Variants in RAP1B observed in about 807,000 individuals in gnomAD.
RAP1B encodes the protein ras-related protein Rap-1b.
Under a neutral mutation model 27.5 loss-of-function variants are expected in RAP1B, and 1 was observed. That is an observed-to-expected ratio of 0.04 (90% CI 0.01 to 0.17). The LOEUF (loss-of-function observed/expected upper bound fraction) is 0.17, where lower values mean the gene tolerates loss of function less well. Ranked by LOEUF, RAP1B falls within the 10% of genes least tolerant of loss-of-function variation. The pLI is 1.00. For synonymous variants in RAP1B, 75 were observed against 73.1 expected, an observed-to-expected ratio of 1.03 and a Z score of -0.13; for missense variants, 84 against 214.8, an observed-to-expected ratio of 0.39 and a Z score of 3.81.
intron 1 of RAP1B, among the ~76,000 whole-genome samples, chr12:68,628,257 C>T (rs1871965110): frequency 2.0e-5 from 3 of 152,188 alleles, no homozygotes; most frequent in African/African-American, 4.8e-5. Context: ...CTCTTCTCCT[C>T]TTGGTTGATG....
At chr12:68,631,803 C>T (rs1186761669) in intron 1 of RAP1B, among the ~76,000 whole-genome samples, 1 of 152,036 alleles carries the variant, frequency 6.6e-6, no homozygotes, top group Non-Finnish European at 1.5e-5. Context: ...TTTATGTCTC[C>T]ATCTTTTCCT....
intron 1 of RAP1B, among the ~76,000 whole-genome samples, chr12:68,618,062 T>G: frequency 6.7e-6 from 1 of 149,274 alleles, no homozygotes; most frequent in East Asian, 2.0e-4. Context: ...CATACCCAGC[T>G]GTATTAGTTC....
chr12:68,651,323 T>C (rs989695047), intron 3 of RAP1B, among the ~76,000 whole-genome samples: 4 of 151,824 alleles, frequency 2.6e-5, no homozygotes, highest in Non-Finnish European at 4.4e-5. Flanking sequence ...GCAGCCAACC[T>C]GGCCCCGCTG....
intron 1 of RAP1B, among the ~76,000 whole-genome samples, chr12:68,612,550 G>T (rs1386124526): frequency 1.3e-5 from 2 of 152,156 alleles, no homozygotes; most frequent in African/African-American, 4.8e-5. Flanking sequence ...TAGTCTATCC[G>T]TAAGAGACAA....
At chr12:68,611,648 C>T (rs1248918085) in intron 1 of RAP1B, among the ~76,000 whole-genome samples, 1 of 152,146 alleles carries the variant, frequency 6.6e-6, no homozygotes, top group Non-Finnish European at 1.5e-5. Flanking sequence ...CTTGCTTGCT[C>T]CATTTGTTGC....
At chr12:68,639,601 G>A (rs1872851895) in intron 1 of RAP1B, among the ~76,000 whole-genome samples, 1 of 152,146 alleles carries the variant, frequency 6.6e-6, no homozygotes, top group African/African-American at 2.4e-5. Context: ...GCCCTGATCT[G>A]TGTTGTTTTT....
Position 68,671,664 on chromosome 12 carries a change from A to T in RAP1B, c.*12415A>T, listed in dbSNP as rs865786410. 1 of 152,278 alleles carries T rather than the reference A, an allele frequency of 6.6e-6. No homozygotes were observed. Among genetic ancestry groups the T allele is most frequent in the South Asian group, 2.1e-4 (1 of 4,828 alleles). 9.4% of individuals were successfully genotyped at this position (152,278 alleles called of 1,614,324 possible). ...GCATTACCTGACATGGTGATATAGG[A>T]GTAGGGGTGAGGAAGTGAAGGATCT... On this transcript the variant is annotated 3_prime_UTR_variant, in exon 8 of 8. Coordinates refer to ENST00000250559, the MANE Select transcript of RAP1B (RefSeq NM_001010942.3).
At chr12:68,619,755 T>C (rs945307671) in intron 1 of RAP1B, among the ~76,000 whole-genome samples, 4 of 152,240 alleles carry the variant, frequency 2.6e-5, no homozygotes, top group African/African-American at 9.6e-5. Context: ...TAGATAAATG[T>C]GAAGCAATGT....
chr12:68,651,931 G>A, intron 3 of RAP1B, 64 bp from the exon 4 acceptor site: 1 of 1,241,966 alleles, frequency 8.1e-7, no homozygotes, highest in Non-Finnish European at 1.2e-6. Context: ...TAGCTTTTTT[G>A]TGTATATTAA....
chr12:68,627,140 A>G (rs2135928224), intron 1 of RAP1B: 1 of 1,577,870 alleles, frequency 6.3e-7, no homozygotes, highest in East Asian at 2.2e-5. Flanking sequence ...CCCTGGCCAC[A>G]GTGCCCTGGG....
At chr12:68,625,502 CTTCTGGCAGGTT>C (rs1170574101) in intron 1 of RAP1B, among the ~76,000 whole-genome samples, 5 of 152,210 alleles carry the variant, frequency 3.3e-5, no homozygotes, top group African/African-American at 1.2e-4. Flanking sequence ...CTCCTCTGAA[CTTCTGGCAGGTT>C]TACTGGGGAA....
chr12:68,646,019 C>G (rs1179908430), intron 1 of RAP1B, among the ~76,000 whole-genome samples: 1 of 152,132 alleles, frequency 6.6e-6, no homozygotes, highest in Admixed American at 6.5e-5. Flanking sequence ...CTGACTCATT[C>G]TAGCAACAAA....
At chr12:68,636,777 C>T (rs951438111) in intron 1 of RAP1B, among the ~76,000 whole-genome samples, 2 of 151,946 alleles carry the variant, frequency 1.3e-5, no homozygotes, top group Non-Finnish European at 2.9e-5. Context: ...CCTCAGCCTC[C>T]GGAGTAGCTG....
At chr12:68,655,393 C>T (rs1874130436) in intron 5 of RAP1B, among the ~76,000 whole-genome samples, 1 of 152,060 alleles carries the variant, frequency 6.6e-6, no homozygotes, top group Non-Finnish European at 1.5e-5. Context: ...GGGAGACACC[C>T]ATGGTAAATG....
chr12:68,671,706 A>ATC lies in RAP1B; in HGVS notation c.*12457_*12458insTC, dbSNP rs1875100148. 1 of 152,226 alleles carries ATC rather than the reference A, an allele frequency of 6.6e-6. No individual in the cohort carries two copies. 9.4% of individuals were successfully genotyped at this position (152,226 alleles called of 1,614,324 possible). A position where few individuals can be genotyped will look rare whatever the true frequency, so the allele number is the denominator to read the frequency against. Reference sequence around the variant, plus strand: ...GAAGGATCTGAGTAGGTGGAAAAAGAAAAGCAAAAGTACAACAGCGGGAGA... The same window carrying ATC: ...GAAGGATCTGAGTAGGTGGAAAAAGATCAAAGCAAAAGTACAACAGCGGGAGA... On this transcript the variant is annotated 3_prime_UTR_variant, in exon 8 of 8. Transcript: ENST00000250559.
chr12:68,645,292 A>G (rs1052320922), intron 1 of RAP1B, among the ~76,000 whole-genome samples: 1 of 152,210 alleles, frequency 6.6e-6, no homozygotes, highest in Non-Finnish European at 1.5e-5. Context: ...GATTATAGAA[A>G]ACCACAATTT....
intron 1 of RAP1B, among the ~76,000 whole-genome samples, chr12:68,623,615 C>G (rs919478946): frequency 6.6e-6 from 1 of 152,102 alleles, no homozygotes; most frequent in African/African-American, 2.4e-5. Flanking sequence ...AAATAGTCTC[C>G]CATCAGTGCT....
intron 1 of RAP1B, among the ~76,000 whole-genome samples, chr12:68,631,687 C>G (rs965607336): frequency 3.3e-5 from 5 of 152,092 alleles, no homozygotes; most frequent in African/African-American, 1.2e-4. Flanking sequence ...TATGTTCTTT[C>G]CTGTTGAAAT....
chr12:68,635,636 G>A (rs1359145091), intron 1 of RAP1B, among the ~76,000 whole-genome samples: 1 of 151,490 alleles, frequency 6.6e-6, no homozygotes, highest in African/African-American at 2.4e-5. Flanking sequence ...TTGTATTTTG[G>A]TAGAGACGGG....
Sources: allele counts gnomAD v4.1 joint callset (sites outside exome capture counted in the v4.1 genomes callset), GRCh38; gene constraint gnomAD v4.1.1; transcripts MANE v1.5; gene names NCBI Gene and HGNC (gene_info 2026-07-23, HGNC 2026-07-21).